The following AP2A2 variants were observed in gnomAD, a reference collection of about 807,000 sequenced individuals.
The protein encoded by AP2A2 is AP-2 complex subunit alpha-2.
A neutral mutation model predicts 104.2 loss-of-function variants in AP2A2; 32 were observed. The ratio of observed to expected loss-of-function variants is 0.31; its 90% CI spans 0.23 to 0.41. The LOEUF (loss-of-function observed/expected upper bound fraction) is 0.41, where lower values mean the gene tolerates loss of function less well. AP2A2 is among the 10% of genes least tolerant of loss of function. AP2A2 has a pLI of 1.00. For synonymous variants in AP2A2, 539 were observed against 533.3 expected, an observed-to-expected ratio of 1.01 and a Z score of -0.15; for missense variants, 912 against 1,261.0, an observed-to-expected ratio of 0.72 and a Z score of 4.19.
intron 14 of AP2A2, among the ~76,000 whole-genome samples, chr11:997,772 G>A (rs1393729029): frequency 6.6e-6 from 1 of 152,192 alleles, no homozygotes; most frequent in Non-Finnish European, 1.5e-5. Context: ...AGGTGTGGTG[G>A]TGTGTGCCTG....
At chr11:972,708 A>G (rs575639610) in intron 4 of AP2A2, among the ~76,000 whole-genome samples, 1 of 152,382 alleles carries the variant, frequency 6.6e-6, no homozygotes, top group South Asian at 2.1e-4. Flanking sequence ...CAAAGCAAAA[A>G]GAGAATTACA....
intron 1 of AP2A2, among the ~76,000 whole-genome samples, chr11:950,583 G>T (rs6597967): frequency 0.48 from 72,768 of 151,806 alleles, 18,362 homozygotes; most frequent in Middle Eastern, 0.65. Flanking sequence ...CACTGTGCCC[G>T]GTCTGGAATA....
intron 1 of AP2A2, among the ~76,000 whole-genome samples, chr11:938,195 G>A (rs934199181): frequency 2.0e-5 from 3 of 152,100 alleles, no homozygotes; most frequent in Non-Finnish European, 2.9e-5. Context: ...GGCTGGTGCC[G>A]CACGAAGGCC....
At chr11:943,298 G>A (rs867608099) in intron 1 of AP2A2, 1 of 152,222 alleles carries the variant, frequency 6.6e-6, no homozygotes, top group Admixed American at 6.6e-5. Flanking sequence ...GGTCGTGATC[G>A]ATTGAGCAAG....
chr11:952,187 G>A (rs575074299), intron 1 of AP2A2, among the ~76,000 whole-genome samples: 32 of 152,200 alleles, frequency 2.1e-4, no homozygotes, highest in African/African-American at 5.5e-4. Flanking sequence ...TTTATATACA[G>A]ACTAAAACTC....
At chr11:978,525 A>G (rs755212465) in intron 5 of AP2A2, among the ~76,000 whole-genome samples, 8 of 152,072 alleles carry the variant, frequency 5.3e-5, no homozygotes, top group Non-Finnish European at 8.8e-5. Flanking sequence ...GAGTCAGCAT[A>G]TTCTTGGTTA....
chr11:975,068 C>T (rs1268002520), intron 4 of AP2A2, among the ~76,000 whole-genome samples: 2 of 152,182 alleles, frequency 1.3e-5, no homozygotes, highest in Non-Finnish European at 2.9e-5. Context: ...AATGGAAGGA[C>T]AGAGTAGGTG....
intron 2 of AP2A2, among the ~76,000 whole-genome samples, chr11:963,518 C>T (rs573093449): frequency 1.3e-5 from 2 of 152,184 alleles, no homozygotes; most frequent in South Asian, 4.1e-4. Flanking sequence ...GAGTGAGTCT[C>T]ACTTTGTACT....
At chr11:971,225 A>G (rs1248329110) in intron 3 of AP2A2, among the ~76,000 whole-genome samples, 1 of 151,580 alleles carries the variant, frequency 6.6e-6, no homozygotes, top group Non-Finnish European at 1.5e-5. Context: ...CCACAGACAT[A>G]GAAGTTGAAA....
At chr11:988,811 T>C in intron 10 of AP2A2, 122 bp downstream of exon 10, 2 of 1,281,326 alleles carry the variant, frequency 1.6e-6, no homozygotes, top group Non-Finnish European at 2.2e-6. Context: ...AGATGCTGAA[T>C]ACAAGGCTCC....
Position 972,058 on chromosome 11 carries a change from G to A in AP2A2, c.280-4G>A, listed in dbSNP as rs769361795. 37 of 1,610,056 alleles carry A rather than the reference G, an allele frequency of 2.3e-5. No homozygotes were observed. The highest frequency in any genetic ancestry group is 5.3e-5 in the African/African-American group (4 of 74,824). ...TTTCTCTTCTCCTGTCTTTTGGAACGCAGGGCTACCTTTTCATCTCTGTGT... is the reference window on the plus strand; with the variant it reads ...TTTCTCTTCTCCTGTCTTTTGGAACACAGGGCTACCTTTTCATCTCTGTGT... On this transcript the variant is annotated splice_polypyrimidine_tract_variant and splice_region_variant and intron_variant, in intron 3 of 21. Transcript: ENST00000448903.
In AP2A2 at chr11:968,863, C is replaced by A. The variant is rs540098811; in HGVS notation, c.137-1306C>A. ...TCTTTTAAATTATGTTAATTTGCCG[C>A]TGACAAGGAGGGGGGTTTCTCATGA... On this transcript the variant is annotated intron_variant, in intron 2 of 21. Coordinates refer to ENST00000448903, the MANE Select transcript of AP2A2 (RefSeq NM_012305.4). The surrounding 1 kb of genome is among the most constrained non-coding windows in gnomAD (Gnocchi z 4.2). Among the ~76,000 whole-genome samples the A allele has an allele frequency of 2.6e-5, 4 of 152,290 alleles. No homozygotes were observed. Among genetic ancestry groups the A allele is most frequent in the African/African-American group, 9.6e-5 (4 of 41,564 alleles).
chr11:948,712 T>C (rs10751672), intron 1 of AP2A2, among the ~76,000 whole-genome samples: 72,832 of 151,806 alleles, frequency 0.48, 18,396 homozygotes, highest in Middle Eastern at 0.65. Context: ...ACAAAAAATA[T>C]AAAAATTACC....
chr11:932,992 G>A (rs572153116), intron 1 of AP2A2, among the ~76,000 whole-genome samples: 31 of 152,132 alleles, frequency 2.0e-4, no homozygotes, highest in Non-Finnish European at 4.0e-4. Context: ...CAAATACGCC[G>A]GGCGCTGCGG....
rs759428299 is a variant in AP2A2, at chr11:977,243, G to C, written c.603+19G>C. On this transcript the variant is annotated intron_variant, in intron 5 of 21. Transcript: ENST00000448903. ...GCACTTGGTAAGCACCCTTGGCTTTGGTTCTCCCCGCTCCCCCAGGTGACC... is the reference window on the plus strand; with the variant it reads ...GCACTTGGTAAGCACCCTTGGCTTTCGTTCTCCCCGCTCCCCCAGGTGACC... The C allele has an allele frequency of 5.1e-6, 8 of 1,563,512 alleles. No individual in the cohort carries two copies. Among genetic ancestry groups the C allele is most frequent in the Non-Finnish European group, 7.0e-6 (8 of 1,150,712 alleles).
chr11:988,638 C>T lies in AP2A2; in HGVS notation c.1218C>T (p.Ala406=), dbSNP rs62640021. ...GCAGCAACGCCCCACAGATCGTGGC[C>T]GAGATGCTGAGCTATCTGGAGACAG... The part of the protein sequence containing the change: ...CDRSNAPQIV[A]EMLSYLETAD... The change falls in exon 10 of 22, where the codon GCC becomes GCT. Residue 406 remains alanine (A), a synonymous_variant. Coordinates refer to ENST00000448903, the MANE Select transcript of AP2A2 (RefSeq NM_012305.4). 1,445 of 1,613,676 alleles carry T rather than the reference C, an allele frequency of 9.0e-4. 8 individuals are homozygous for T. The African/African-American group carries it at 0.017, about 19-fold the overall frequency.
At chr11:938,840 T>C (rs1445839888) in intron 1 of AP2A2, among the ~76,000 whole-genome samples, 1 of 152,198 alleles carries the variant, frequency 6.6e-6, no homozygotes, top group Non-Finnish European at 1.5e-5. Context: ...AATGTTGATA[T>C]GTTTATTTTT....
At chr11:932,702 T>C (rs1853329784) in intron 1 of AP2A2, 1 of 456,166 alleles carries the variant, frequency 2.2e-6, no homozygotes, top group Non-Finnish European at 4.4e-6. Context: ...TGAATTTTTC[T>C]TGCCAAGGTT....
At chr11:1,003,448 T>TA (rs1180342554) in intron 15 of AP2A2, among the ~76,000 whole-genome samples, 6 of 152,256 alleles carry the variant, frequency 3.9e-5, no homozygotes, top group Non-Finnish European at 8.8e-5. Flanking sequence ...GAGAGGCCGT[T>TA]ACATGTGGAC....
Sources: gnomAD v4.1 joint callset for allele counts (sites outside exome capture counted in the v4.1 genomes callset) on GRCh38, gnomAD v4.1.1 for gene constraint, Gnocchi (gnomAD v3.1) non-coding constraint, MANE v1.5 for transcripts, NCBI Gene and HGNC (gene_info 2026-07-23, HGNC 2026-07-21) for gene names.